The following UNC13C variants were observed in gnomAD, a reference collection of about 807,000 sequenced individuals.
UNC13C encodes unc-13 homolog C.
A neutral mutation model predicts 245.4 loss-of-function variants in UNC13C; 174 were observed. The ratio of observed to expected loss-of-function variants is 0.71; its 90% CI spans 0.63 to 0.80. The LOEUF is 0.80. Ranked by LOEUF, UNC13C falls within the 30% of genes least tolerant of loss-of-function variation. UNC13C has a pLI of 0.00. For synonymous variants in UNC13C, 992 were observed against 895.1 expected (o/e 1.11, Z -1.93); for missense variants, 2,829 against 2,602.9 (o/e 1.09, Z -1.89).
chr15:54,221,629 A>G (rs1294992108), intron 4 of UNC13C, among the ~76,000 whole-genome samples: 1 of 151,944 alleles, frequency 6.6e-6, no homozygotes, highest in African/African-American at 2.4e-5. Flanking sequence ...ATGATTGGTT[A>G]TCTTATACCT....
At chr15:53,992,628 C>A (rs1356964677) in intron 1 of UNC13C, among the ~76,000 whole-genome samples, 2 of 152,060 alleles carry the variant, frequency 1.3e-5, no homozygotes, top group Admixed American at 1.3e-4. Flanking sequence ...AAGGCCTTGG[C>A]CTTGGCAAAT....
At chr15:53,929,968 T>C in the UNC13C span, among the ~76,000 whole-genome samples, 6 of 152,272 alleles carry the variant, frequency 3.9e-5, no homozygotes, top group African/African-American at 7.2e-5. Flanking sequence ...AAACTACTCA[T>C]AACAAAGGCT....
chr15:54,224,061 A>G (rs1012280095), intron 4 of UNC13C, among the ~76,000 whole-genome samples: 1 of 152,118 alleles, frequency 6.6e-6, no homozygotes, highest in Non-Finnish European at 1.5e-5. Context: ...TTTTCCAAAT[A>G]TAAGATCATA....
At chr15:54,190,624 A>G (rs1289640468) in intron 4 of UNC13C, among the ~76,000 whole-genome samples, 2 of 152,138 alleles carry the variant, frequency 1.3e-5, no homozygotes, top group Non-Finnish European at 2.9e-5. Flanking sequence ...TCCATTGTAT[A>G]ATGTATCACA....
intron 13 of UNC13C, among the ~76,000 whole-genome samples, chr15:54,307,420 C>A (rs916348123): frequency 2.6e-5 from 4 of 151,928 alleles, no homozygotes; most frequent in Non-Finnish European, 5.9e-5. Context: ...AACAGCCTCA[C>A]CACTTAATAC....
In UNC13C at chr15:54,626,788, T is replaced by TAA. The variant is rs1032434696; in HGVS notation, c.6360-38_6360-37dup. 4 of 1,567,694 alleles carry TAA rather than the reference T, an allele frequency of 2.6e-6. No homozygotes were observed. The African/African-American group carries it at 4.1e-5, about 16-fold the overall frequency. ...GAACCATAATGATGCCTAGTGGAAG[T>TAA]AAAGTTTTTGCTCAAAATTTGTATT... is the stretch of plus-strand genomic sequence containing the variant. On this transcript the variant is annotated intron_variant, in intron 32 of 32. Coordinates refer to ENST00000260323, the MANE Select transcript of UNC13C (RefSeq NM_001080534.3).
intron 2 of UNC13C, among the ~76,000 whole-genome samples, chr15:54,142,585 C>G (rs929902066): frequency 6.6e-6 from 1 of 152,166 alleles, no homozygotes. Context: ...AAATACTGAT[C>G]TCAATTAATT....
intron 2 of UNC13C, among the ~76,000 whole-genome samples, chr15:54,103,231 A>G (rs1452374158): frequency 2.0e-5 from 3 of 152,156 alleles, no homozygotes; most frequent in South Asian, 4.1e-4. Context: ...ACACATAGAC[A>G]TACATCTCGC....
chr15:54,106,472 AG>A (rs1270606907), intron 2 of UNC13C, among the ~76,000 whole-genome samples: 1 of 152,254 alleles, frequency 6.6e-6, no homozygotes, highest in Non-Finnish European at 1.5e-5. Flanking sequence ...CAGATTTGAG[AG>A]GTTACACAAA....
chr15:54,417,550 CTT>C (rs1361487636), intron 19 of UNC13C, among the ~76,000 whole-genome samples: 1 of 152,014 alleles, frequency 6.6e-6, no homozygotes, highest in Non-Finnish European at 1.5e-5. Flanking sequence ...TAACTGGGGA[CTT>C]GGGTACAATT....
intron 29 of UNC13C, among the ~76,000 whole-genome samples, chr15:54,562,570 T>G (rs1390306642): frequency 6.6e-6 from 1 of 152,020 alleles, no homozygotes; most frequent in East Asian, 1.9e-4. Context: ...GTTTTGATTT[T>G]TAAGATGCAT....
At chr15:54,580,482 G>T (rs886511645) in intron 30 of UNC13C, among the ~76,000 whole-genome samples, 5 of 152,208 alleles carry the variant, frequency 3.3e-5, no homozygotes, top group African/African-American at 1.2e-4. Context: ...TGAATGGAGA[G>T]CTATACAGGC....
chr15:54,554,910 A>C (rs938463087), intron 28 of UNC13C, among the ~76,000 whole-genome samples: 1 of 152,116 alleles, frequency 6.6e-6, no homozygotes, highest in African/African-American at 2.4e-5. Context: ...TGATTATAAA[A>C]TATTTAAAAT....
intron 4 of UNC13C, among the ~76,000 whole-genome samples, chr15:54,188,659 G>A (rs928459248): frequency 2.6e-5 from 4 of 152,098 alleles, no homozygotes; most frequent in Non-Finnish European, 4.4e-5. Context: ...GCAATTTTAT[G>A]TATGCTGTAT....
intron 4 of UNC13C, among the ~76,000 whole-genome samples, chr15:54,180,514 C>A (rs1484179319): frequency 6.6e-6 from 1 of 151,980 alleles, no homozygotes; most frequent in Non-Finnish European, 1.5e-5. Flanking sequence ...TGGTTATATA[C>A]CCAGTAATGG....
intron 19 of UNC13C, among the ~76,000 whole-genome samples, chr15:54,468,811 T>A (rs976880664): frequency 6.6e-6 from 1 of 151,744 alleles, no homozygotes; most frequent in African/African-American, 2.4e-5. Context: ...TTAGTATATC[T>A]GTTTTTATGT....
chr15:54,256,554 T>A (rs961457258), intron 8 of UNC13C, among the ~76,000 whole-genome samples: 13 of 152,230 alleles, frequency 8.5e-5, no homozygotes, highest in African/African-American at 2.9e-4. Context: ...AAATCTGCCA[T>A]CCTTCTTGGA....
At chr15:54,109,093 G>A (rs1380924225) in intron 2 of UNC13C, among the ~76,000 whole-genome samples, 1 of 152,078 alleles carries the variant, frequency 6.6e-6, no homozygotes, top group Non-Finnish European at 1.5e-5. Flanking sequence ...TGCACCTCCT[G>A]TAATGACAGA....
intron 19 of UNC13C, among the ~76,000 whole-genome samples, chr15:54,422,958 TACACACAC>T (rs35647420): frequency 4.1e-5 from 6 of 145,924 alleles, no homozygotes; most frequent in Admixed American, 2.1e-4. Context: ...AGCAATATAG[TACACACAC>T]ACACACACAC....
Sources: gnomAD v4.1 joint callset for allele counts (sites outside exome capture counted in the v4.1 genomes callset) on GRCh38, gnomAD v4.1.1 for gene constraint, MANE v1.5 for transcripts, NCBI Gene and HGNC (gene_info 2026-07-23, HGNC 2026-07-21) for gene names.